The following RPP30 variants were observed in gnomAD, a reference collection of about 807,000 sequenced individuals.
RPP30 encodes ribonuclease P/MRP subunit p30, also known as ribonuclease P protein subunit p30.
In RPP30, 36 loss-of-function variants were observed where a neutral mutation model predicts 38.6. The observed-to-expected ratio is 0.93, with a 90% CI of 0.71 to 1.23. The LOEUF is 1.23. RPP30 is among the 50% of genes most tolerant of loss of function. RPP30 has a pLI of 0.00. For synonymous variants in RPP30, 126 were observed against 112.7 expected (o/e 1.12, Z -0.75); for missense variants, 321 against 321.7 (o/e 1.00, Z 0.02).
intron 5 of RPP30, among the ~76,000 whole-genome samples, chr10:90,879,384 T>G (rs1212705446): frequency 6.6e-6 from 1 of 152,242 alleles, no homozygotes; most frequent in Non-Finnish European, 1.5e-5. Flanking sequence ...CTTCTGTTTC[T>G]TTATCTCTGC....
At chr10:90,882,481 G>A (rs1355209864) in intron 5 of RPP30, among the ~76,000 whole-genome samples, 1 of 151,916 alleles carries the variant, frequency 6.6e-6, no homozygotes, top group Admixed American at 6.6e-5. Context: ...GGCTAACACG[G>A]TGAAACCCCG....
At chr10:90,891,320 C>G (rs992607098) in intron 6 of RPP30, among the ~76,000 whole-genome samples, 11 of 152,156 alleles carry the variant, frequency 7.2e-5, no homozygotes, top group Non-Finnish European at 1.3e-4. Context: ...TGTGTTCTCC[C>G]TGTTTGTCTC....
chr10:90,905,292 C>T (rs921054849), downstream of RPP30: 3 of 152,150 alleles, frequency 2.0e-5, no homozygotes, highest in African/African-American at 7.2e-5. Flanking sequence ...TTATCTTCAC[C>T]CTTTTCCAGA....
At chr10:90,894,661 G>T (rs1564714748) in intron 6 of RPP30, 114 bp from the exon 7 acceptor site, 3 of 753,604 alleles carry the variant, frequency 4.0e-6, no homozygotes, top group East Asian at 5.1e-5. Flanking sequence ...GCTGTACCTT[G>T]ACATGTAAGG....
In RPP30 at chr10:90,894,902, A is replaced by G. The variant is rs1847122896; in HGVS notation, c.549+11A>G. On this transcript the variant is annotated intron_variant, in intron 7 of 10. Coordinates refer to ENST00000371703, the MANE Select transcript of RPP30 (RefSeq NM_006413.5). The stretch of plus-strand genomic sequence containing the variant: ...ATCTGCAAAGGAAAGGTATGGTTCT[A>G]TAATTTTAGGATGTTTTTCGCATCT... The G allele has an allele frequency of 1.9e-6, 3 of 1,561,134 alleles. No homozygotes were observed. The South Asian group carries it at 3.3e-5, about 17-fold the overall frequency.
chr10:90,896,443 AT>A (rs1261952564), intron 10 of RPP30, 51 bp downstream of exon 10: 2 of 1,429,800 alleles, frequency 1.4e-6, no homozygotes, highest in Non-Finnish European at 2.0e-6. Context: ...AAAGCAAGTC[AT>A]TTTTACAGCC....
At chr10:90,874,571 G>A (rs1314228371) in intron 1 of RPP30, among the ~76,000 whole-genome samples, 1 of 152,188 alleles carries the variant, frequency 6.6e-6, no homozygotes, top group Non-Finnish European at 1.5e-5. Context: ...AGACCTGTGT[G>A]CCAGGCACTG....
chr10:90,902,516 A>C (rs745976993), downstream of RPP30, among the ~76,000 whole-genome samples: 1 of 152,202 alleles, frequency 6.6e-6, no homozygotes, highest in African/African-American at 2.4e-5. Context: ...ATGAGCCACC[A>C]TACCCGGCCT....
intron 9 of RPP30, 33 bp downstream of exon 9, chr10:90,895,950 T>C (rs1847134567): frequency 1.3e-6 from 2 of 1,550,498 alleles, no homozygotes; most frequent in Admixed American, 3.6e-5. Flanking sequence ...TTGTTGACAT[T>C]GTCTTTCAGG....
At chr10:90,906,466 T>C (rs1183781752), downstream of RPP30, among the ~76,000 whole-genome samples, 1 of 152,198 alleles carries the variant, frequency 6.6e-6, no homozygotes, top group East Asian at 1.9e-4. Context: ...GCAGCCAGAT[T>C]TTAAGGATTT....
rs554829736 is a variant in RPP30, at chr10:90,892,100, T to C, written c.433-2675T>C. Among the ~76,000 whole-genome samples, 324 of 152,374 alleles carry C rather than the reference T, an allele frequency of 2.1e-3. 2 individuals are homozygous for C. Among genetic ancestry groups the C allele is most frequent in the African/African-American group, 7.4e-3 (309 of 41,594 alleles). On this transcript the variant is annotated intron_variant, in intron 6 of 10. Transcript: ENST00000371703. Reference sequence around the variant, plus strand: ...TCAACTGTCACACACCTGTCCTTAGTAGCATCTTTATGACCATTATTTTTC... The same window carrying C: ...TCAACTGTCACACACCTGTCCTTAGCAGCATCTTTATGACCATTATTTTTC...
At chr10:90,879,370 T>C (rs376252104) in intron 5 of RPP30, among the ~76,000 whole-genome samples, 51 of 152,334 alleles carry the variant, frequency 3.3e-4, no homozygotes, top group African/African-American at 1.0e-3. Flanking sequence ...AAAGAGCCCG[T>C]TTTCTTCTGT....
At position 90,885,845 on chromosome 10, in the gene RPP30, T is replaced by G; in HGVS notation, c.376T>G (p.Cys126Gly). Residue 126 changes from cysteine to glycine, a missense_variant, in exon 6 of 11, where the codon TGC becomes GGC. Transcript: ENST00000371703. ...CACACATTTAGATGTGGATTTAGTCTGCATAACTGTAACAGAGAAACTACC... is the reference window on the plus strand; with the variant it reads ...CACACATTTAGATGTGGATTTAGTCGGCATAACTGTAACAGAGAAACTACC... ...ACTHLDVDLV[C>G]ITVTEKLPFY... 6.2e-7 allele frequency: 1 copy of G among 1,611,846 alleles called. No individual in the cohort carries two copies. The highest frequency in any genetic ancestry group is 8.5e-7 in the Non-Finnish European group (1 of 1,179,096).
chr10:90,890,918 T>TG (rs1184491726), intron 6 of RPP30, among the ~76,000 whole-genome samples: 1 of 152,154 alleles, frequency 6.6e-6, no homozygotes, highest in Non-Finnish European at 1.5e-5. Context: ...TATGAAAAGA[T>TG]GATTAAATTT....
chr10:90,874,103 GGACAAACTGTTGA>G (rs35562952), intron 1 of RPP30, among the ~76,000 whole-genome samples: 39,432 of 151,994 alleles, frequency 0.26, 5,839 homozygotes, highest in African/African-American at 0.42. Flanking sequence ...GAAGGAAGTT[GGACAAACTGTTGA>G]GAGTTTGGCA....
intron 6 of RPP30, among the ~76,000 whole-genome samples, chr10:90,888,081 T>C (rs1391197577): frequency 5.3e-5 from 8 of 152,242 alleles, no homozygotes; most frequent in Admixed American, 5.2e-4. Flanking sequence ...CTAACCTTTT[T>C]ACCAGCCTCA....
At chr10:90,883,966 C>T (rs1438377060) in intron 5 of RPP30, among the ~76,000 whole-genome samples, 1 of 152,002 alleles carries the variant, frequency 6.6e-6, no homozygotes, top group Non-Finnish European at 1.5e-5. Flanking sequence ...TTCTCCCTTC[C>T]TCTTTCCTTC....
intron 9 of RPP30, 138 bp from the exon 10 acceptor site, chr10:90,896,175 G>A: frequency 1.4e-6 from 1 of 727,592 alleles, no homozygotes; most frequent in Non-Finnish European, 2.4e-6. Flanking sequence ...TCAGATGCAT[G>A]TTCCAGTTGG....
At chr10:90,903,980 C>T (rs532760203), downstream of RPP30, among the ~76,000 whole-genome samples, 6 of 152,296 alleles carry the variant, frequency 3.9e-5, no homozygotes, top group Admixed American at 2.6e-4. Flanking sequence ...CCCCAAATTA[C>T]GCATTTAACA....
Sources: gnomAD v4.1 joint callset for allele counts (sites outside exome capture counted in the v4.1 genomes callset) on GRCh38, gnomAD v4.1.1 for gene constraint, MANE v1.5 for transcripts, NCBI Gene and HGNC (gene_info 2026-07-23, HGNC 2026-07-21) for gene names.